Variants in UBQLN1 observed in about 807,000 individuals in gnomAD.
The protein encoded by UBQLN1 is ubiquilin-1.
Under a neutral mutation model 65.4 loss-of-function variants are expected in UBQLN1, and 13 were observed. The observed-to-expected ratio is 0.20, with a 90% confidence interval of 0.13 to 0.32. UBQLN1 has a LOEUF of 0.32. Among genes scored for constraint, UBQLN1 ranks in the 10% least tolerant of loss-of-function variants. The probability of loss-of-function intolerance (pLI) is 1.00; values close to 1 mark genes in which losing one functional copy is unlikely to be tolerated. For missense variants in UBQLN1, 561 were observed against 724.0 expected, an observed-to-expected ratio of 0.77 and a Z score of 2.58; for synonymous variants, 267 against 247.8, an observed-to-expected ratio of 1.08 and a Z score of -0.73.
At chr9:83,682,177 C>A (rs886969908) in intron 3 of UBQLN1, among the ~76,000 whole-genome samples, 1 of 151,932 alleles carries the variant, frequency 6.6e-6, no homozygotes, top group African/African-American at 2.4e-5. Flanking sequence ...CCCAGCTACT[C>A]GGGAGGCTGA....
chr9:83,676,009 T>TG (rs35656702), intron 6 of UBQLN1, among the ~76,000 whole-genome samples: 31,726 of 152,146 alleles, frequency 0.21, 3,640 homozygotes, highest in African/African-American at 0.29. Flanking sequence ...TTTTGCCTCT[T>TG]GGCCAGTAAT....
At chr9:83,706,209 A>G (rs1428774579) in intron 1 of UBQLN1, among the ~76,000 whole-genome samples, 4 of 152,250 alleles carry the variant, frequency 2.6e-5, no homozygotes, top group African/African-American at 4.8e-5. Flanking sequence ...ATCTACTGAT[A>G]CGTGCAACTT....
chr9:83,693,434 A>C (rs567572692), intron 1 of UBQLN1, among the ~76,000 whole-genome samples: 1 of 151,944 alleles, frequency 6.6e-6, no homozygotes, highest in Non-Finnish European at 1.5e-5. Context: ...CAGACTCTCA[A>C]GGTATCTTGT....
intron 1 of UBQLN1, among the ~76,000 whole-genome samples, chr9:83,700,488 CT>C (rs1330441815): frequency 2.0e-5 from 3 of 152,222 alleles, no homozygotes; most frequent in African/African-American, 7.2e-5. Flanking sequence ...ATCACAGCCC[CT>C]CTCTAAAGAG....
At chr9:83,678,652 G>T in intron 4 of UBQLN1, 53 bp from the exon 5 acceptor site, 1 of 1,524,850 alleles carries the variant, frequency 6.6e-7, no homozygotes, top group Non-Finnish European at 8.9e-7. Flanking sequence ...AAATACACAT[G>T]AATTACATTA....
chr9:83,700,952 G>A (rs900704619), intron 1 of UBQLN1, among the ~76,000 whole-genome samples: 1 of 152,176 alleles, frequency 6.6e-6, no homozygotes, highest in African/African-American at 2.4e-5. Context: ...ATGGCTGGTG[G>A]GAGAGTTATA....
intron 8 of UBQLN1, among the ~76,000 whole-genome samples, chr9:83,666,147 G>A (rs1831639957): frequency 6.6e-6 from 1 of 152,182 alleles, no homozygotes; most frequent in African/African-American, 2.4e-5. Flanking sequence ...TCCTCAGAAT[G>A]TATGTTTAAG....
At position 83,671,073 on chromosome 9, in the gene UBQLN1, C is replaced by T. The variant is rs558827369; in HGVS notation, c.1106-1746G>A. On this transcript the variant is annotated intron_variant, in intron 6 of 10. Coordinates refer to ENST00000376395, the MANE Select transcript of UBQLN1 (RefSeq NM_013438.5). ...CTGCAATTCCTAGGCTCAAGGGATC[C>T]TCCTGCCCGAACCTTCCAAAGTGCC... 5.9e-5 allele frequency among the ~76,000 whole-genome samples: 9 copies of T among 152,258 alleles called. No homozygotes were observed. In the South Asian group the frequency reaches 6.2e-4, roughly 11 times the overall value.
chr9:83,679,726 C>T (rs1367085399), intron 4 of UBQLN1, 49 bp downstream of exon 4: 2 of 1,577,758 alleles, frequency 1.3e-6, no homozygotes, highest in South Asian at 1.1e-5. Context: ...AATTAAATAA[C>T]AAATATATCA....
intron 1 of UBQLN1, among the ~76,000 whole-genome samples, chr9:83,698,145 A>T (rs764833077): frequency 2.6e-5 from 4 of 152,226 alleles, no homozygotes; most frequent in Non-Finnish European, 5.9e-5. Context: ...GCCTGCAATA[A>T]ATATTGGCCA....
intron 7 of UBQLN1, chr9:83,666,784 T>C (rs907597028): frequency 5.2e-5 from 10 of 192,414 alleles, no homozygotes; most frequent in Non-Finnish European, 2.2e-5. Flanking sequence ...AGATATATTT[T>C]CTACTACACT....
intron 7 of UBQLN1, 178 bp downstream of exon 7, chr9:83,669,007 T>C (rs1831687258): frequency 3.0e-6 from 2 of 659,908 alleles, no homozygotes; most frequent in Non-Finnish European, 4.7e-6. Context: ...TAATTACATA[T>C]GAAGTATTAA....
chr9:83,697,881 C>T (rs972831670), intron 1 of UBQLN1, among the ~76,000 whole-genome samples: 1 of 151,928 alleles, frequency 6.6e-6, no homozygotes, highest in Admixed American at 6.6e-5. Context: ...GGATTACAGG[C>T]ATGCACCACC....
intron 9 of UBQLN1, among the ~76,000 whole-genome samples, chr9:83,664,587 T>C (rs188094184): frequency 2.6e-4 from 40 of 151,828 alleles, no homozygotes; most frequent in African/African-American, 9.7e-4. Context: ...ACCGATCTCT[T>C]AATAAATAAA....
chr9:83,700,152 A>T (rs1207524243), intron 1 of UBQLN1, among the ~76,000 whole-genome samples: 1 of 152,228 alleles, frequency 6.6e-6, no homozygotes, highest in Non-Finnish European at 1.5e-5. Context: ...ATAGCTATTC[A>T]TATCACTTTC....
chr9:83,705,107 T>C (rs189223885), intron 1 of UBQLN1, among the ~76,000 whole-genome samples: 8 of 152,256 alleles, frequency 5.3e-5, no homozygotes, highest in Admixed American at 3.3e-4. Flanking sequence ...CCCGCTAAAA[T>C]AGCTAAAATT....
intron 3 of UBQLN1, among the ~76,000 whole-genome samples, chr9:83,681,793 C>T (rs1831944721): frequency 6.6e-6 from 1 of 152,166 alleles, no homozygotes; most frequent in South Asian, 2.1e-4. Flanking sequence ...ATGATATATG[C>T]CACTTCTGGC....
intron 10 of UBQLN1, among the ~76,000 whole-genome samples, chr9:83,662,257 TATATAC>T (rs1391845660): frequency 1.1e-4 from 13 of 117,058 alleles, no homozygotes; most frequent in East Asian, 8.7e-4. Context: ...TGTGTGTGTG[TATATAC>T]ATATACATAT....
intron 1 of UBQLN1, among the ~76,000 whole-genome samples, chr9:83,706,845 G>A (rs900480568): frequency 6.6e-6 from 1 of 152,126 alleles, no homozygotes; most frequent in Non-Finnish European, 1.5e-5. Context: ...TACTAAAAGG[G>A]AAAGAGCAAG....
Sources: gnomAD v4.1 joint callset for allele counts (sites outside exome capture counted in the v4.1 genomes callset) on GRCh38, gnomAD v4.1.1 for gene constraint, MANE v1.5 for transcripts, NCBI Gene and HGNC (gene_info 2026-07-23, HGNC 2026-07-21) for gene names.